ATG2A: variants seen among roughly 807,000 people sequenced by gnomAD.
The protein encoded by ATG2A is autophagy-related protein 2 homolog A.
In ATG2A, 103 loss-of-function variants were observed where a neutral mutation model predicts 214.2. The ratio of observed to expected loss-of-function variants is 0.48; its 90% CI spans 0.41 to 0.57. ATG2A has a LOEUF of 0.57. ATG2A is among the 20% of genes least tolerant of loss of function. The pLI, the probability that ATG2A is intolerant of heterozygous loss-of-function variation, is 0.00. For missense variants in ATG2A, 2,312 were observed against 2,613.2 expected (o/e 0.88, Z 2.51); for synonymous variants, 1,160 against 1,142.1 (o/e 1.02, Z -0.32).
intron 31 of ATG2A, among the ~76,000 whole-genome samples, chr11:64,899,254 G>A (rs893083937): frequency 1.3e-5 from 2 of 152,164 alleles, no homozygotes; most frequent in Non-Finnish European, 2.9e-5. Flanking sequence ...TCTCCCTCCA[G>A]ACCTGACCCT....
Position 64,898,524 on chromosome 11 carries a change from C to T in ATG2A, c.4671+112G>A. ...CCCTTCTCCCAGGCTCACAAACAAC[C>T]TGGGTGTTTGTGTGGGAATGCGTGT... On this transcript the variant is annotated intron_variant, in intron 32 of 40. Coordinates refer to ENST00000377264, the MANE Select transcript of ATG2A (RefSeq NM_015104.3). This position sits in a 1 kb window ranked among gnomAD's most constrained non-coding sequence, Gnocchi z 4.5. 7.1e-7 allele frequency: 1 copy of T among 1,408,050 alleles called. No homozygotes were observed. The highest frequency in any genetic ancestry group is 1.3e-5 in the South Asian group (1 of 78,520). The allele number at this position is 1,408,050 out of a possible 1,614,324, so 87.2% of individuals were successfully genotyped here. A position where few individuals can be genotyped will look rare whatever the true frequency, so the allele number is the denominator to read the frequency against.
At position 64,897,887 on chromosome 11, in the gene ATG2A, C is replaced by T. The variant is rs1438771673; in HGVS notation, c.4946G>A (p.Gly1649Glu). The T allele has an allele frequency of 6.4e-7, 1 of 1,571,756 alleles. No homozygotes were observed. The highest frequency in any genetic ancestry group is 1.2e-5 in the South Asian group (1 of 83,982). ...AGGAGGGGAGGGGCTGTGTCCACCT[C>T]CTGGGGCCTCCTGCGAACCAGTGGT... Reference protein sequence around the residue: ...VETTGSQEAPGGGHSPSPPDQ... With the variant: ...VETTGSQEAPEGGHSPSPPDQ... The change falls in exon 35 of 41, where the codon GGA becomes GAA. Residue 1649 changes from glycine (G) to glutamate (E), a missense_variant. Gly to Glu is a moderately conservative substitution (Grantham distance 98). Transcript: ENST00000377264.
At position 64,898,511 on chromosome 11, in the gene ATG2A, G is replaced by A; in HGVS notation, c.4671+125C>T. ...GCCCCTAGCTCTGCCCTTCTCCCAG[G>A]CTCACAAACAACCTGGGTGTTTGTG... On this transcript the variant is annotated intron_variant, in intron 32 of 40. Coordinates refer to ENST00000377264, the MANE Select transcript of ATG2A (RefSeq NM_015104.3). This position sits in a 1 kb window ranked among gnomAD's most constrained non-coding sequence, Gnocchi z 4.5. The A allele has an allele frequency of 7.3e-7, 1 of 1,360,548 alleles. No homozygotes were observed. The highest frequency in any genetic ancestry group is 2.5e-5 in the East Asian group (1 of 40,538). 84.3% of individuals were successfully genotyped at this position (1,360,548 alleles called of 1,614,324 possible). A position where few individuals can be genotyped will look rare whatever the true frequency, so the allele number is the denominator to read the frequency against.
intron 16 of ATG2A, 27 bp from the exon 17 acceptor site, chr11:64,907,917 GGA>G: frequency 6.2e-7 from 1 of 1,603,720 alleles, no homozygotes. Flanking sequence ...GGAAAGAGCA[GGA>G]GAGTCATCTT....
At chr11:64,901,922 TG>T in intron 29 of ATG2A, 39 bp downstream of exon 29, 1 of 1,603,092 alleles carries the variant, frequency 6.2e-7, no homozygotes, top group Non-Finnish European at 8.5e-7. Flanking sequence ...CAAACACACC[TG>T]CCTGGACGGC....
At chr11:64,908,408 C>T (rs926789517) in intron 16 of ATG2A, among the ~76,000 whole-genome samples, 6 of 152,094 alleles carry the variant, frequency 3.9e-5, no homozygotes, top group Non-Finnish European at 8.8e-5. Context: ...AAAAATTAGC[C>T]GGGCGTGGTG....
chr11:64,901,636 C>T (rs1004764217), intron 29 of ATG2A, among the ~76,000 whole-genome samples: 27 of 152,142 alleles, frequency 1.8e-4, no homozygotes, highest in Non-Finnish European at 3.4e-4. Flanking sequence ...TTCCCACTGG[C>T]CCTTGCAGCC....
In ATG2A at chr11:64,902,803, C is replaced by T. The variant is rs1590632918; in HGVS notation, c.3613-123G>A. 3.5e-6 allele frequency: 3 copies of T among 847,466 alleles called. No individual in the cohort carries two copies. In the East Asian group the frequency reaches 7.9e-5, roughly 22 times the overall value. 52.5% of individuals were successfully genotyped at this position (847,466 alleles called of 1,614,324 possible). A position where few individuals can be genotyped will look rare whatever the true frequency, so the allele number is the denominator to read the frequency against. ...GCCACAGGCAGAACAGGGATGGTCT[C>T]TCCTGGAGTGGATGACCTGCCCAGT... On this transcript the variant is annotated intron_variant, in intron 26 of 40. Transcript: ENST00000377264.
rs1309546234 is a variant in ATG2A at position 64,907,582 on chromosome 11, CGGGGAAGCCCGA to C, written c.2578_2589del (p.Ser860_Pro863del). The C allele has an allele frequency of 6.3e-7, 1 of 1,595,148 alleles. No homozygotes were observed. The highest frequency in any genetic ancestry group is 1.4e-5 in the African/African-American group (1 of 71,360). On this transcript the variant is annotated inframe_deletion, in exon 18 of 41. Coordinates refer to ENST00000377264, the MANE Select transcript of ATG2A (RefSeq NM_015104.3). ...CTGTCGTGCCAGAAGCCTGAGGGGCCGGGGAAGCCCGAGGGCTGGGCGGCGGGGTCGGGGGTG... is the reference window on the plus strand; with the variant it reads ...CTGTCGTGCCAGAAGCCTGAGGGGCCGGGCTGGGCGGCGGGGTCGGGGGTG...
At position 64,908,021 on chromosome 11, in the gene ATG2A, A is replaced by T. The variant is rs575315302; in HGVS notation, c.2365-131T>A. On this transcript the variant is annotated intron_variant, in intron 16 of 40. Transcript: ENST00000377264. ...TCATAGGAGCCCTTCTCTACTGGGGATGCATGATAGCCGTACAGATACAGT... is the reference window on the plus strand; with the variant it reads ...TCATAGGAGCCCTTCTCTACTGGGGTTGCATGATAGCCGTACAGATACAGT... 3.3e-5 allele frequency: 36 copies of T among 1,103,798 alleles called. No homozygotes were observed. The East Asian group carries it at 9.3e-4, about 28-fold the overall frequency. 68.4% of individuals were successfully genotyped at this position (1,103,798 alleles called of 1,614,324 possible).
rs563609642 is a variant in ATG2A, at chr11:64,901,286, C to T, written c.4120-194G>A. 8.5e-5 allele frequency among the ~76,000 whole-genome samples: 13 copies of T among 152,234 alleles called. No individual in the cohort carries two copies. The East Asian group carries it at 2.1e-3, about 25-fold the overall frequency. On this transcript the variant is annotated intron_variant, in intron 29 of 40. Transcript: ENST00000377264. The stretch of plus-strand genomic sequence containing the variant: ...GCAACCTCTGCCTCCTAGGCTCAAG[C>T]GATCCTCCATTCTCAGCCTCCTGAG...
Position 64,903,781 on chromosome 11 carries a change from C to T in ATG2A, c.3465-121G>A, listed in dbSNP as rs775224180. 7.0e-5 allele frequency: 65 copies of T among 929,098 alleles called. 1 individual carries two copies. The highest frequency in any genetic ancestry group is 5.8e-4 in the South Asian group (32 of 55,494). The allele number at this position is 929,098 out of a possible 1,614,324, so 57.6% of individuals were successfully genotyped here. On this transcript the variant is annotated intron_variant, in intron 24 of 40. Coordinates refer to ENST00000377264, the MANE Select transcript of ATG2A (RefSeq NM_015104.3). This position sits in a 1 kb window ranked among gnomAD's most constrained non-coding sequence, Gnocchi z 4.2. Reference sequence around the variant, plus strand: ...TATGGACAGGCCCCTCCAGCCTCAGCGTTCCTGCCTGCACAATGGGGAGAA... The same window carrying T: ...TATGGACAGGCCCCTCCAGCCTCAGTGTTCCTGCCTGCACAATGGGGAGAA...
chr11:64,904,466 A>G (rs781725605), intron 24 of ATG2A, among the ~76,000 whole-genome samples: 2 of 151,404 alleles, frequency 1.3e-5, no homozygotes, highest in Non-Finnish European at 2.9e-5. Context: ...AATCGCTTGA[A>G]CCCAGGAGGC....
In ATG2A at chr11:64,894,616, A is replaced by G. The variant is rs1184374468; in HGVS notation, c.*357T>C. ...CACTCACGGAGCTTAAAAATAATAC[A>G]TCGAACCACACGGATATCATCCCCT... On this transcript the variant is annotated 3_prime_UTR_variant, in exon 41 of 41. Coordinates refer to ENST00000377264, the MANE Select transcript of ATG2A (RefSeq NM_015104.3). 1 of 550,914 alleles carries G rather than the reference A, an allele frequency of 1.8e-6. No homozygotes were observed. The highest frequency in any genetic ancestry group is 4.3e-5 in the East Asian group (1 of 23,034). The allele number at this position is 550,914 out of a possible 1,614,324, so 34.1% of individuals were successfully genotyped here. A position where few individuals can be genotyped will look rare whatever the true frequency, so the allele number is the denominator to read the frequency against.
At chr11:64,912,659 T>C (rs925542170) in intron 6 of ATG2A, 6 of 509,040 alleles carry the variant, frequency 1.2e-5, no homozygotes, top group Middle Eastern at 1.0e-3. Context: ...AGTGGTGCAA[T>C]CTTGGCTCAC....
At chr11:64,906,261 C>G (rs1944545167) in intron 21 of ATG2A, 68 bp from the exon 22 acceptor site, 2 of 1,606,418 alleles carry the variant, frequency 1.2e-6, no homozygotes, top group Admixed American at 1.7e-5. Flanking sequence ...CCTCACCGCG[C>G]ACTGGGGTCC....
rs760780572 is a variant in ATG2A, at chr11:64,913,405, G to A, written c.591-4C>T. The A allele has an allele frequency of 5.1e-6, 8 of 1,582,416 alleles. No individual in the cohort carries two copies. In the South Asian group the frequency reaches 8.0e-5, roughly 16 times the overall value. ...TGCCTCATCACAGTACTCCAGTCTG[G>A]AGAGTGTAGGGTCAGCCCGTGCCCT... On this transcript the variant is annotated splice_polypyrimidine_tract_variant and splice_region_variant and intron_variant, in intron 4 of 40. Transcript: ENST00000377264. This position sits in a 1 kb window ranked among gnomAD's most constrained non-coding sequence, Gnocchi z 4.3.
In ATG2A at chr11:64,894,619, G is replaced by A. The variant is rs370910848; in HGVS notation, c.*354C>T. ...TCACGGAGCTTAAAAATAATACATC[G>A]AACCACACGGATATCATCCCCTCCT... is the stretch of plus-strand genomic sequence containing the variant. On this transcript the variant is annotated 3_prime_UTR_variant, in exon 41 of 41. Transcript: ENST00000377264. 5 of 559,180 alleles carry A rather than the reference G, an allele frequency of 8.9e-6. No homozygotes were observed. Among genetic ancestry groups the A allele is most frequent in the East Asian group, 4.2e-5 (1 of 23,938 alleles). The allele number at this position is 559,180 out of a possible 1,614,324, so 34.6% of individuals were successfully genotyped here.
intron 14 of ATG2A, 123 bp from the exon 15 acceptor site, chr11:64,909,490 C>A: frequency 7.2e-7 from 1 of 1,394,496 alleles, no homozygotes; most frequent in South Asian, 1.3e-5. Context: ...GCAGAGAAAG[C>A]CAGAGACAAA....
Sources: gnomAD v4.1 joint callset for allele counts (sites outside exome capture counted in the v4.1 genomes callset) on GRCh38, gnomAD v4.1.1 for gene constraint, Gnocchi (gnomAD v3.1) non-coding constraint, MANE v1.5 for transcripts, NCBI Gene and HGNC (gene_info 2026-07-23, HGNC 2026-07-21) for gene names.